The following ZNF804A variants were observed in gnomAD, a reference collection of about 807,000 sequenced individuals.
The protein encoded by ZNF804A is zinc finger protein 804A.
A neutral mutation model predicts 16.5 loss-of-function variants in ZNF804A; 2 were observed. The observed-to-expected ratio is 0.12, with a 90% CI of 0.05 to 0.38. ZNF804A has a LOEUF of 0.38. Among genes scored for constraint, ZNF804A ranks in the 10% least tolerant of loss-of-function variants. The pLI is 0.99. For missense variants in ZNF804A, 1,473 were observed against 1,390.7 expected, an observed-to-expected ratio of 1.06 and a Z score of -0.94; for synonymous variants, 534 against 489.6, an observed-to-expected ratio of 1.09 and a Z score of -1.20.
At position 184,769,398 on chromosome 2, in the gene ZNF804A, G is replaced by A. The variant is rs114287292; in HGVS notation, c.112-96971G>A. 4.2e-3 allele frequency among the ~76,000 whole-genome samples: 637 copies of A among 152,140 alleles called. 5 individuals carry two copies. Among genetic ancestry groups the A allele is most frequent in the African/African-American group, 0.015 (605 of 41,526 alleles). On this transcript the variant is annotated intron_variant, in intron 1 of 3. Coordinates refer to ENST00000302277, the MANE Select transcript of ZNF804A (RefSeq NM_194250.2). ...TCAAAAGAAGGGCTTTGGTAGCCTA[G>A]TATTGAATCTTTTTTCAATTTTATA...
chr2:184,834,426 G>A (rs536814373), intron 1 of ZNF804A, among the ~76,000 whole-genome samples: 2 of 152,032 alleles, frequency 1.3e-5, no homozygotes, highest in Non-Finnish European at 2.9e-5. Flanking sequence ...CTTGACATAG[G>A]ACTGAAAATC....
chr2:184,733,483 T>C (rs1408144407), intron 1 of ZNF804A, among the ~76,000 whole-genome samples: 1 of 152,176 alleles, frequency 6.6e-6, no homozygotes, highest in Non-Finnish European at 1.5e-5. Context: ...TCTTGGTCTG[T>C]GGTTTCCTTA....
intron 1 of ZNF804A, among the ~76,000 whole-genome samples, chr2:184,795,786 A>G (rs1558964060): frequency 6.6e-6 from 1 of 152,188 alleles, no homozygotes; most frequent in African/African-American, 2.4e-5. Flanking sequence ...CAAGGCTACT[A>G]TGAACACCTT....
intron 1 of ZNF804A, among the ~76,000 whole-genome samples, chr2:184,670,979 T>G (rs966337958): frequency 1.3e-5 from 2 of 152,152 alleles, no homozygotes; most frequent in Admixed American, 1.3e-4. Flanking sequence ...ACCTGGGGCT[T>G]CTTTTCTGCA....
intron 1 of ZNF804A, among the ~76,000 whole-genome samples, chr2:184,792,980 T>C (rs574536906): frequency 3.6e-4 from 55 of 152,216 alleles, no homozygotes; most frequent in African/African-American, 1.3e-3. Context: ...TTTATGTACA[T>C]ATGTGCTTGT....
In ZNF804A at chr2:184,724,528, G is replaced by T. The variant is rs376107665; in HGVS notation, c.111+125458G>T. Among the ~76,000 whole-genome samples the T allele has an allele frequency of 9.3e-5, 14 of 151,220 alleles. No homozygotes were observed. In the East Asian group the frequency reaches 2.7e-3, roughly 29 times the overall value. ...ACGGAAGCATGAGAAATCTTGGGAG[G>T]ATGTGCATTATATAAATGAAAAGAT... On this transcript the variant is annotated intron_variant, in intron 1 of 3. Coordinates refer to ENST00000302277, the MANE Select transcript of ZNF804A (RefSeq NM_194250.2).
intron 1 of ZNF804A, among the ~76,000 whole-genome samples, chr2:184,778,804 T>C (rs756774863): frequency 2.6e-5 from 4 of 151,748 alleles, no homozygotes; most frequent in Non-Finnish European, 5.9e-5. Flanking sequence ...AGACCTTGAA[T>C]GTAAGAAGCT....
intron 2 of ZNF804A, among the ~76,000 whole-genome samples, chr2:184,917,034 A>G (rs1275336604): frequency 5.3e-5 from 8 of 152,292 alleles, no homozygotes; most frequent in African/African-American, 1.9e-4. Flanking sequence ...TACTTCACTC[A>G]AAGTCTACTG....
intron 2 of ZNF804A, among the ~76,000 whole-genome samples, chr2:184,910,992 T>C (rs928747889): frequency 6.6e-6 from 1 of 152,058 alleles, no homozygotes; most frequent in African/African-American, 2.4e-5. Flanking sequence ...TAGGTCCACT[T>C]GTCAATTTTT....
At chr2:184,610,402 T>A (rs1408567763) in intron 1 of ZNF804A, among the ~76,000 whole-genome samples, 4 of 152,082 alleles carry the variant, frequency 2.6e-5, no homozygotes, top group African/African-American at 7.2e-5. Flanking sequence ...GCCAAAGACT[T>A]TTAGATTGGT....
chr2:184,895,352 C>T (rs1685048450), intron 2 of ZNF804A, among the ~76,000 whole-genome samples: 1 of 152,084 alleles, frequency 6.6e-6, no homozygotes, highest in African/African-American at 2.4e-5. Context: ...AACTCAATAA[C>T]TTAAATATGA....
intron 2 of ZNF804A, among the ~76,000 whole-genome samples, chr2:184,878,057 A>T (rs1684736465): frequency 6.6e-6 from 1 of 152,050 alleles, no homozygotes; most frequent in Non-Finnish European, 1.5e-5. Context: ...CCAATTTGTA[A>T]CTCAGCCAAT....
chr2:184,709,210 A>G (rs1693084266), intron 1 of ZNF804A, among the ~76,000 whole-genome samples: 1 of 152,116 alleles, frequency 6.6e-6, no homozygotes, highest in Non-Finnish European at 1.5e-5. Context: ...TGGAATTTGA[A>G]TTCAGAATGT....
chr2:184,709,194 T>G (rs2105735672), intron 1 of ZNF804A, among the ~76,000 whole-genome samples: 1 of 152,230 alleles, frequency 6.6e-6, no homozygotes, highest in Middle Eastern at 3.4e-3. Context: ...AATCCTCCAC[T>G]TGGTCTGGAA....
chr2:184,779,491 T>C (rs1183624056), intron 1 of ZNF804A, among the ~76,000 whole-genome samples: 1 of 151,706 alleles, frequency 6.6e-6, no homozygotes, highest in East Asian at 1.9e-4. Flanking sequence ...AAATTCTGTT[T>C]ACAAGTTGTA....
Position 184,936,971 on chromosome 2 carries a change from T to A in ZNF804A, c.1575T>A (p.Pro525=). ...AAAATAAATGCAGCCAAGTCACTCC[T>A]CTTTTGGCTGATGATATTCTCTCCA... ...SSKNKCSQVT[P]LLADDILSSS... Residue 525 remains proline, a synonymous_variant, in exon 4 of 4, where the codon CCT becomes CCA. Coordinates refer to ENST00000302277, the MANE Select transcript of ZNF804A (RefSeq NM_194250.2). 1.2e-6 allele frequency: 2 copies of A among 1,613,962 alleles called. No individual in the cohort carries two copies. The highest frequency in any genetic ancestry group is 1.7e-6 in the Non-Finnish European group (2 of 1,179,936).
In ZNF804A at chr2:184,938,484, C is replaced by T. The variant is rs368859755; in HGVS notation, c.3088C>T (p.Pro1030Ser). 1 of 1,613,884 alleles carries T rather than the reference C, an allele frequency of 6.2e-7. No individual in the cohort carries two copies. Among genetic ancestry groups the T allele is most frequent in the African/African-American group, 1.3e-5 (1 of 74,880 alleles). Residue 1030 changes from proline to serine, a missense_variant, in exon 4 of 4, where the codon CCA becomes TCA. Transcript: ENST00000302277. ...GCAAATCCTGGCTCCATTAGCTTTA[C>T]CAGAGCAAGCATTATTGATCCCACT... ...AEQILAPLAL[P>S]EQALLIPLEN...
chr2:184,872,037 G>A (rs2105813736), intron 2 of ZNF804A, among the ~76,000 whole-genome samples: 1 of 152,100 alleles, frequency 6.6e-6, no homozygotes, highest in South Asian at 2.1e-4. Flanking sequence ...GTTTGAAAAA[G>A]CTCACTAGTT....
intron 1 of ZNF804A, among the ~76,000 whole-genome samples, chr2:184,663,452 G>T (rs1410685023): frequency 1.3e-5 from 2 of 152,132 alleles, no homozygotes; most frequent in Non-Finnish European, 2.9e-5. Flanking sequence ...TGGTAGGGAT[G>T]GGGGAGGGTG....
Sources: allele counts gnomAD v4.1 joint callset (sites outside exome capture counted in the v4.1 genomes callset), GRCh38; gene constraint gnomAD v4.1.1; transcripts MANE v1.5; gene names NCBI Gene and HGNC (gene_info 2026-07-23, HGNC 2026-07-21).